Variants in ITSN1 observed in about 807,000 individuals in gnomAD.
ITSN1 encodes the protein intersectin 1.
ITSN1 carries 58 observed loss-of-function variants against 239.8 expected under a neutral mutation model. The observed-to-expected ratio is 0.24, with a 90% confidence interval of 0.20 to 0.30. The LOEUF (loss-of-function observed/expected upper bound fraction) is 0.30, where lower values mean the gene tolerates loss of function less well. Ranked by LOEUF, ITSN1 falls within the 10% of genes least tolerant of loss-of-function variation. The pLI is 1.00. For synonymous variants in ITSN1, 780 were observed against 770.8 expected, an observed-to-expected ratio of 1.01 and a Z score of -0.20; for missense variants, 1,558 against 2,103.3, an observed-to-expected ratio of 0.74 and a Z score of 5.07.
rs560875318 is a variant in ITSN1, at chr21:33,779,988, C to T, written c.1597-1473C>T. Among the ~76,000 whole-genome samples, 41 of 152,240 alleles carry T rather than the reference C, an allele frequency of 2.7e-4. No individual in the cohort carries two copies. The South Asian group carries it at 5.8e-3, about 22-fold the overall frequency. On this transcript the variant is annotated intron_variant, in intron 14 of 39. Transcript: ENST00000381318. ...CAGGGATTACAGGCAAGCGCCACCA[C>T]GCCTGGCTAATTTTTATATTTTTTG...
intron 1 of ITSN1, among the ~76,000 whole-genome samples, chr21:33,673,456 A>G (rs546017032): frequency 6.6e-5 from 10 of 152,386 alleles, no homozygotes; most frequent in South Asian, 4.1e-4. Flanking sequence ...TTCACTGTGT[A>G]TATGTATAAC....
In ITSN1 at chr21:33,889,810, G is replaced by C. The variant is rs549120281; in HGVS notation, c.*1510G>C. ...TGTGGCAGAGTACCTCCTTTGCTGG[G>C]AACTGAATGTGTAGTGTTATCATTT... On this transcript the variant is annotated 3_prime_UTR_variant, in exon 40 of 40. Transcript: ENST00000381318. 5 of 152,256 alleles carry C rather than the reference G, an allele frequency of 3.3e-5. No homozygotes were observed. Among genetic ancestry groups the C allele is most frequent in the African/African-American group, 1.2e-4 (5 of 41,566 alleles). The allele number at this position is 152,256 out of a possible 1,614,324, so 9.4% of individuals were successfully genotyped here. A position where few individuals can be genotyped will look rare whatever the true frequency, so the allele number is the denominator to read the frequency against.
intron 29 of ITSN1, among the ~76,000 whole-genome samples, chr21:33,838,716 C>T (rs967955042): frequency 6.6e-5 from 10 of 151,720 alleles, no homozygotes; most frequent in Admixed American, 6.5e-5. Flanking sequence ...AATGATCATT[C>T]CTTATAATAC....
intron 4 of ITSN1, among the ~76,000 whole-genome samples, chr21:33,723,766 G>A (rs1440859894): frequency 1.3e-5 from 2 of 152,186 alleles, no homozygotes; most frequent in Non-Finnish European, 2.9e-5. Flanking sequence ...TTTTGTGAGA[G>A]TTGTTGAGAG....
intron 1 of ITSN1, among the ~76,000 whole-genome samples, chr21:33,685,376 G>A (rs2091188273): frequency 6.6e-6 from 1 of 152,046 alleles, no homozygotes; most frequent in African/African-American, 2.4e-5. Context: ...TAGTCATTCT[G>A]TACTGCTTTG....
intron 1 of ITSN1, among the ~76,000 whole-genome samples, chr21:33,650,619 C>T (rs1292723338): frequency 6.6e-6 from 1 of 152,070 alleles, no homozygotes; most frequent in African/African-American, 2.4e-5. Flanking sequence ...ATTTTAAAAC[C>T]AAGTTATCTT....
At chr21:33,728,792 G>C (rs952972283) in intron 4 of ITSN1, among the ~76,000 whole-genome samples, 1 of 152,074 alleles carries the variant, frequency 6.6e-6, no homozygotes, top group Non-Finnish European at 1.5e-5. Context: ...TGTTAGTTCT[G>C]CTTGCACTAA....
chr21:33,732,054 G>T (rs1241600698), intron 4 of ITSN1, among the ~76,000 whole-genome samples: 1 of 152,178 alleles, frequency 6.6e-6, no homozygotes, highest in Non-Finnish European at 1.5e-5. Flanking sequence ...CAGGTCATAC[G>T]TGGATTCAAG....
At chr21:33,728,039 A>G (rs954599703) in intron 4 of ITSN1, among the ~76,000 whole-genome samples, 3 of 149,908 alleles carry the variant, frequency 2.0e-5, no homozygotes, top group Admixed American at 6.7e-5. Context: ...ATCTGGGCTC[A>G]CTGCAACCTC....
chr21:33,765,346 A>G (rs1458310430), intron 9 of ITSN1, among the ~76,000 whole-genome samples: 1 of 152,194 alleles, frequency 6.6e-6, no homozygotes, highest in Non-Finnish European at 1.5e-5. Flanking sequence ...AATATTTTAA[A>G]AATTAGCTAG....
chr21:33,832,669 T>A lies in ITSN1; in HGVS notation c.3352-1638T>A, dbSNP rs62228975. On this transcript the variant is annotated intron_variant, in intron 27 of 39. Coordinates refer to ENST00000381318, the MANE Select transcript of ITSN1 (RefSeq NM_003024.3). ...TACTCGGTAGATAAACGTGGAAATT[T>A]GTAACCAGATGGCTTCAGTCATCGG... Among the ~76,000 whole-genome samples the A allele has an allele frequency of 3.8e-3, 579 of 152,268 alleles. 2 individuals carry two copies. Among genetic ancestry groups the A allele is most frequent in the Non-Finnish European group, 5.8e-3 (395 of 68,010 alleles).
chr21:33,839,873 T>C (rs1168031501), intron 29 of ITSN1, among the ~76,000 whole-genome samples: 1 of 152,114 alleles, frequency 6.6e-6, no homozygotes, highest in Non-Finnish European at 1.5e-5. Context: ...TGGTGTCTCA[T>C]GGTTAGAGTC....
At chr21:33,827,421 T>A (rs867557767) in intron 26 of ITSN1, among the ~76,000 whole-genome samples, 1 of 151,856 alleles carries the variant, frequency 6.6e-6, no homozygotes, top group Non-Finnish European at 1.5e-5. Context: ...TAAAATAAAA[T>A]AAAATAAATA....
intron 11 of ITSN1, 139 bp from the exon 12 acceptor site, chr21:33,771,922 A>G: frequency 1.1e-6 from 1 of 900,956 alleles, no homozygotes; most frequent in Non-Finnish European, 1.7e-6. Context: ...CGTTGTGCTC[A>G]TTAACAAGGA....
Position 33,865,017 on chromosome 21 carries a change from C to T in ITSN1, c.3891-134C>T. 1.3e-6 allele frequency: 1 copy of T among 762,108 alleles called. No homozygotes were observed. The highest frequency in any genetic ancestry group is 3.4e-5 in the Admixed American group (1 of 29,126). 47.2% of individuals were successfully genotyped at this position (762,108 alleles called of 1,614,324 possible). A position where few individuals can be genotyped will look rare whatever the true frequency, so the allele number is the denominator to read the frequency against. On this transcript the variant is annotated intron_variant, in intron 31 of 39. Transcript: ENST00000381318. The surrounding 1 kb of genome is among the most constrained non-coding windows in gnomAD (Gnocchi z 4.4). Reference sequence around the variant, plus strand: ...ACTCATTTCTTTCTCCATTCCTTGTCTCCCAAATAGATCCTTTAGTGGCCC... The same window carrying T: ...ACTCATTTCTTTCTCCATTCCTTGTTTCCCAAATAGATCCTTTAGTGGCCC...
chr21:33,673,367 A>G (rs772122455), intron 1 of ITSN1, among the ~76,000 whole-genome samples: 1 of 152,198 alleles, frequency 6.6e-6, no homozygotes, highest in African/African-American at 2.4e-5. Flanking sequence ...ATTTGCTGAG[A>G]GTAGATTTCA....
chr21:33,728,691 C>T (rs1325391697), intron 4 of ITSN1, among the ~76,000 whole-genome samples: 1 of 152,138 alleles, frequency 6.6e-6, no homozygotes, highest in Non-Finnish European at 1.5e-5. Context: ...CATTCCCTGA[C>T]CAGCTAGTGT....
At chr21:33,689,059 C>A (rs2091385840) in intron 1 of ITSN1, among the ~76,000 whole-genome samples, 1 of 152,106 alleles carries the variant, frequency 6.6e-6, no homozygotes, top group Admixed American at 6.5e-5. Context: ...GTGATCCACC[C>A]ACCTCGGCCT....
intron 5 of ITSN1, among the ~76,000 whole-genome samples, chr21:33,741,122 G>C (rs1482119517): frequency 6.6e-6 from 1 of 152,148 alleles, no homozygotes; most frequent in Non-Finnish European, 1.5e-5. Context: ...AGCACAGATG[G>C]GGTACGTGTC....
Sources: allele counts gnomAD v4.1 joint callset (sites outside exome capture counted in the v4.1 genomes callset), GRCh38; gene constraint gnomAD v4.1.1; non-coding constraint Gnocchi (gnomAD v3.1); transcripts MANE v1.5; gene names NCBI Gene and HGNC (gene_info 2026-07-23, HGNC 2026-07-21).